Variants in KMT2A observed in about 807,000 individuals in gnomAD.
KMT2A encodes histone-lysine N-methyltransferase 2A.
KMT2A carries 16 observed loss-of-function variants against 345.3 expected under a neutral mutation model. That is an observed-to-expected ratio of 0.05 (90% CI 0.03 to 0.07). The LOEUF (loss-of-function observed/expected upper bound fraction) is 0.07, where lower values mean the gene tolerates loss of function less well. KMT2A is among the 10% of genes least tolerant of loss of function. KMT2A has a pLI of 1.00. For missense variants in KMT2A, 3,272 were observed against 4,841.6 expected (o/e 0.68, Z 9.62); for synonymous variants, 1,599 against 1,778.6 (o/e 0.90, Z 2.54).
intron 29 of KMT2A, 104 bp from the exon 30 acceptor site, chr11:118,509,844 G>A (rs1481347053): frequency 2.5e-6 from 2 of 794,512 alleles, no homozygotes; most frequent in Non-Finnish European, 3.7e-6. Context: ...ACCAACTGTG[G>A]AATGTTGTTA....
rs1318964349 is a variant in KMT2A, at chr11:118,476,748, T to A, written c.3157-57T>A. ...TTGATTAAGTATACCTTGGCTTCGT[T>A]CAGTTATAATTTCAACATGTATGGT... On this transcript the variant is annotated intron_variant, in intron 3 of 35. Transcript: ENST00000534358. The surrounding 1 kb of genome is among the most constrained non-coding windows in gnomAD (Gnocchi z 4.1). 8 of 1,448,454 alleles carry A rather than the reference T, an allele frequency of 5.5e-6. No homozygotes were observed. Among genetic ancestry groups the A allele is most frequent in the Non-Finnish European group, 7.6e-6 (8 of 1,054,404 alleles). 89.7% of individuals were successfully genotyped at this position (1,448,454 alleles called of 1,614,324 possible). A position where few individuals can be genotyped will look rare whatever the true frequency, so the allele number is the denominator to read the frequency against.
chr11:118,518,132 T>C lies in KMT2A; in HGVS notation c.11147-1486T>C, dbSNP rs184806319. On this transcript the variant is annotated intron_variant, in intron 31 of 35. Coordinates refer to ENST00000534358, the MANE Select transcript of KMT2A (RefSeq NM_001197104.2). ...CCAAAATTAACACCATTACTGTTTC[T>C]ATATCTATTAATAATACCAAACCAG... 2.6e-5 allele frequency among the ~76,000 whole-genome samples: 4 copies of C among 152,344 alleles called. No homozygotes were observed. In the East Asian group the frequency reaches 7.7e-4, roughly 29 times the overall value.
Position 118,503,476 on chromosome 11 carries a change from A to C in KMT2A, c.7584A>C (p.Thr2528=), listed in dbSNP as rs1167529087. ...PRKRTVKVTL[T]PLKMENESQS... is the part of the protein sequence containing the mutation. The stretch of plus-strand genomic sequence containing the variant: ...AACGCACAGTCAAAGTGACACTGAC[A>C]CCTCTAAAAATGGAAAATGAGAGTC... The change falls in exon 27 of 36, where the codon ACA becomes ACC. Residue 2528 remains threonine (T), a synonymous_variant. Transcript: ENST00000534358. The surrounding 1 kb of genome is among the most constrained non-coding windows in gnomAD (Gnocchi z 5.3). 5 of 1,614,036 alleles carry C rather than the reference A, an allele frequency of 3.1e-6. No homozygotes were observed. Among genetic ancestry groups the C allele is most frequent in the African/African-American group, 1.3e-5 (1 of 74,910 alleles).
intron 1 of KMT2A, among the ~76,000 whole-genome samples, chr11:118,439,820 G>A (rs1949277031): frequency 6.6e-6 from 1 of 152,100 alleles, no homozygotes; most frequent in Non-Finnish European, 1.5e-5. Flanking sequence ...CTGTTCCATG[G>A]GTAAGCTTTT....
chr11:118,480,127 TTC>T, intron 5 of KMT2A, 45 bp from the exon 6 acceptor site: 1 of 1,452,588 alleles, frequency 6.9e-7, no homozygotes, highest in Non-Finnish European at 9.7e-7. Flanking sequence ...TTCAGTGCTT[TTC>T]TTCTAAATTT....
intron 31 of KMT2A, among the ~76,000 whole-genome samples, chr11:118,518,321 G>A (rs1478541866): frequency 1.3e-5 from 2 of 152,052 alleles, no homozygotes; most frequent in African/African-American, 4.8e-5. Flanking sequence ...AATGCCAGCA[G>A]ACTTATATAA....
At position 118,495,935 on chromosome 11, in the gene KMT2A, A is replaced by C; in HGVS notation, c.5557+42A>C. ...AGAGTCGTCACCCATTTCCCTCTAGATGCAGATGATTGACTTCGTGAATCC... is the reference window on the plus strand; with the variant it reads ...AGAGTCGTCACCCATTTCCCTCTAGCTGCAGATGATTGACTTCGTGAATCC... On this transcript the variant is annotated intron_variant, in intron 19 of 35. Coordinates refer to ENST00000534358, the MANE Select transcript of KMT2A (RefSeq NM_001197104.2). This position sits in a 1 kb window ranked among gnomAD's most constrained non-coding sequence, Gnocchi z 4.1. 1 of 1,482,590 alleles carries C rather than the reference A, an allele frequency of 6.7e-7. No homozygotes were observed. Among genetic ancestry groups the C allele is most frequent in the Non-Finnish European group, 9.2e-7 (1 of 1,086,310 alleles). The allele number at this position is 1,482,590 out of a possible 1,614,324, so 91.8% of individuals were successfully genotyped here. A position where few individuals can be genotyped will look rare whatever the true frequency, so the allele number is the denominator to read the frequency against.
chr11:118,489,231 C>CAA (rs11412289), intron 11 of KMT2A, among the ~76,000 whole-genome samples: 1,862 of 89,786 alleles, frequency 0.021, 72 homozygotes, highest in Middle Eastern at 0.042. Flanking sequence ...GACTCCATCT[C>CAA]AAAAAAAAAA....
In KMT2A at chr11:118,520,211, G is replaced by A. The variant is rs890048076; in HGVS notation, c.11429+147G>A. On this transcript the variant is annotated intron_variant, in intron 33 of 35. Transcript: ENST00000534358. The surrounding 1 kb of genome is among the most constrained non-coding windows in gnomAD (Gnocchi z 4.3). ...ACCATTTGTGTTGAAGTAGCAGTAG[G>A]TGCCTGGTAAGGAGTGAGGAATATA... 2.3e-5 allele frequency: 14 copies of A among 622,146 alleles called. No homozygotes were observed. Among genetic ancestry groups the A allele is most frequent in the Non-Finnish European group, 3.4e-5 (12 of 351,706 alleles). 38.5% of individuals were successfully genotyped at this position (622,146 alleles called of 1,614,324 possible).
chr11:118,471,786 G>C lies in KMT2A; in HGVS notation c.627G>C (p.Lys209Asn). Residue 209 changes from lysine (K) to asparagine (N), a missense_variant, in exon 3 of 36, where the codon AAG becomes AAC. Lys to Asn is a moderately conservative substitution (Grantham distance 94). Transcript: ENST00000534358. ...LNKSETKSGD[K>N]IKKKDSKSIE... ...AATCAGAGACCAAATCTGGAGATAA[G>C]ATCAAGAAGAAAGATTCTAAAAGTA... 1 of 1,613,636 alleles carries C rather than the reference G, an allele frequency of 6.2e-7. No individual in the cohort carries two copies. The highest frequency in any genetic ancestry group is 1.1e-5 in the South Asian group (1 of 91,036).
At chr11:118,489,094 G>T (rs1246320995) in intron 11 of KMT2A, among the ~76,000 whole-genome samples, 1 of 151,880 alleles carries the variant, frequency 6.6e-6, no homozygotes, top group African/African-American at 2.4e-5. Flanking sequence ...GTGGTGGTGG[G>T]CACCTGTAGT....
intron 1 of KMT2A, among the ~76,000 whole-genome samples, chr11:118,445,379 G>A (rs1036473254): frequency 2.6e-5 from 4 of 152,144 alleles, no homozygotes; most frequent in African/African-American, 9.7e-5. Context: ...GCTATAATGG[G>A]GTTGCTACCT....
chr11:118,514,316 G>A (rs1950758597), intron 31 of KMT2A, among the ~76,000 whole-genome samples: 1 of 152,172 alleles, frequency 6.6e-6, no homozygotes, highest in South Asian at 2.1e-4. Context: ...ATCCTTACAT[G>A]GCGAGGTCCT....
intron 1 of KMT2A, chr11:118,450,038 G>C (rs1949502452): frequency 6.6e-6 from 1 of 152,104 alleles, no homozygotes; most frequent in Non-Finnish European, 1.5e-5. Flanking sequence ...AAATCAATCT[G>C]GTCATTTATG....
At chr11:118,487,117 TATC>T (rs1950243577) in intron 10 of KMT2A, among the ~76,000 whole-genome samples, 1 of 152,206 alleles carries the variant, frequency 6.6e-6, no homozygotes, top group Non-Finnish European at 1.5e-5. Context: ...GAAGTTCAGA[TATC>T]ATTGAGACTG....
At chr11:118,445,613 G>C (rs1182899880) in intron 1 of KMT2A, among the ~76,000 whole-genome samples, 22 of 152,226 alleles carry the variant, frequency 1.4e-4, no homozygotes. Flanking sequence ...TGAATTGTAG[G>C]TTGCAATTTC....
In KMT2A at chr11:118,498,332, A is replaced by T; in HGVS notation, c.5803-38A>T. The stretch of plus-strand genomic sequence containing the variant: ...GACGGTAAACGTCTTAAAACATATG[A>T]AAGTCTGAATAGGACTCTGTTCTTT... On this transcript the variant is annotated intron_variant, in intron 21 of 35. Coordinates refer to ENST00000534358, the MANE Select transcript of KMT2A (RefSeq NM_001197104.2). The surrounding 1 kb of genome is among the most constrained non-coding windows in gnomAD (Gnocchi z 4.4). 6.3e-7 allele frequency: 1 copy of T among 1,575,598 alleles called. No individual in the cohort carries two copies. Among genetic ancestry groups the T allele is most frequent in the Non-Finnish European group, 8.6e-7 (1 of 1,162,744 alleles).
chr11:118,511,791 T>C, intron 30 of KMT2A, 160 bp from the exon 31 acceptor site: 4 of 684,308 alleles, frequency 5.8e-6, no homozygotes, highest in Non-Finnish European at 1.0e-5. Flanking sequence ...TCACATGTAA[T>C]GAACTGACTT....
Position 118,436,643 on chromosome 11 carries a change from C to T in KMT2A, c.131C>T (p.Pro44Leu). Residue 44 changes from proline to leucine, a missense_variant, in exon 1 of 36, where the codon CCC (proline) becomes CTC (leucine). Transcript: ENST00000534358. This position sits in a 1 kb window ranked among gnomAD's most constrained non-coding sequence, Gnocchi z 6.9. ...CCGGCCCTGCTGCTTCCCCCCGGGC[C>T]CCCGGTCGGCGGTGGCGGCCCCGGG... The part of the protein sequence containing the change: ...RVPALLLPPG[P>L]PVGGGGPGAP... The T allele has an allele frequency of 8.6e-7, 1 of 1,163,068 alleles. No homozygotes were observed. The allele number at this position is 1,163,068 out of a possible 1,614,324, so 72.0% of individuals were successfully genotyped here.
Sources: allele counts gnomAD v4.1 joint callset (sites outside exome capture counted in the v4.1 genomes callset), GRCh38; gene constraint gnomAD v4.1.1; non-coding constraint Gnocchi (gnomAD v3.1); transcripts MANE v1.5; gene names NCBI Gene and HGNC (gene_info 2026-07-23, HGNC 2026-07-21).